Variants in PTPRD observed in about 807,000 individuals in gnomAD.
PTPRD encodes the protein protein tyrosine phosphatase receptor type D.
In PTPRD, 34 loss-of-function variants were observed where a neutral mutation model predicts 214.5. The observed-to-expected ratio is 0.16, with a 90% CI of 0.12 to 0.21. The LOEUF (loss-of-function observed/expected upper bound fraction) is 0.21. Among genes scored for constraint, PTPRD ranks in the 10% least tolerant of loss-of-function variants. The probability of loss-of-function intolerance (pLI) is 1.00; values close to 1 mark genes in which losing one functional copy is unlikely to be tolerated. For missense variants in PTPRD, 2,545 were observed against 2,398.7 expected (o/e 1.06, Z -1.27); for synonymous variants, 1,128 against 845.7 (o/e 1.33, Z -5.79).
Position 8,919,540 on chromosome 9 carries a change from C to T in PTPRD, c.-104+99157G>A, listed in dbSNP as rs900370558. ...CATTCTAAAAATTAGCTTAGCAAAA[C>T]CTGCTGATTAATGAGGGCATTGTGT... On this transcript the variant is annotated intron_variant, in intron 11 of 45. Transcript: ENST00000381196. 4.6e-5 allele frequency among the ~76,000 whole-genome samples: 7 copies of T among 152,188 alleles called. No homozygotes were observed. In the South Asian group the frequency reaches 1.5e-3, roughly 32 times the overall value.
intron 7 of PTPRD, among the ~76,000 whole-genome samples, chr9:9,601,102 G>T (rs753994095): frequency 1.5e-5 from 2 of 129,826 alleles, no homozygotes; most frequent in Admixed American, 8.4e-5. Flanking sequence ...TGGGAAAAGA[G>T]ATTAATATAT....
At chr9:10,133,194 A>T (rs1001424460) in intron 3 of PTPRD, among the ~76,000 whole-genome samples, 25 of 152,190 alleles carry the variant, frequency 1.6e-4, no homozygotes, top group African/African-American at 5.3e-4. Flanking sequence ...GGGGATGGAG[A>T]TCACTAACGG....
intron 8 of PTPRD, among the ~76,000 whole-genome samples, chr9:9,481,809 C>T (rs1007048444): frequency 8.5e-5 from 13 of 152,062 alleles, no homozygotes; most frequent in Non-Finnish European, 1.3e-4. Flanking sequence ...AGTTTGAGCT[C>T]TGCTCCATAC....
At chr9:8,439,120 A>C (rs1313242655) in intron 34 of PTPRD, among the ~76,000 whole-genome samples, 2 of 152,216 alleles carry the variant, frequency 1.3e-5, no homozygotes, top group East Asian at 1.9e-4. Flanking sequence ...TTCTAAGACA[A>C]GTAAAAATGG....
intron 3 of PTPRD, among the ~76,000 whole-genome samples, chr9:10,095,335 T>A (rs2098472424): frequency 1.3e-5 from 2 of 151,290 alleles, no homozygotes; most frequent in South Asian, 2.1e-4. Flanking sequence ...TTTCCAGGAG[T>A]CTGGAAATGC....
chr9:9,810,868 C>T (rs2046925179), intron 5 of PTPRD, among the ~76,000 whole-genome samples: 1 of 151,562 alleles, frequency 6.6e-6, no homozygotes, highest in Non-Finnish European at 1.5e-5. Flanking sequence ...CAAACACCAT[C>T]TGGAAAGGAT....
chr9:8,418,575 T>G (rs2094124182), intron 35 of PTPRD, among the ~76,000 whole-genome samples: 1 of 152,124 alleles, frequency 6.6e-6, no homozygotes, highest in African/African-American at 2.4e-5. Context: ...TACATTTTTT[T>G]TTTTTTGTAA....
At chr9:9,933,252 T>C (rs2087538857) in intron 5 of PTPRD, among the ~76,000 whole-genome samples, 1 of 152,068 alleles carries the variant, frequency 6.6e-6, no homozygotes, top group African/African-American at 2.4e-5. Flanking sequence ...GTAAATGGAG[T>C]ACATGCTCCA....
At chr9:10,149,503 A>T (rs976491531) in intron 3 of PTPRD, among the ~76,000 whole-genome samples, 21 of 152,168 alleles carry the variant, frequency 1.4e-4, no homozygotes, top group Non-Finnish European at 7.4e-5. Flanking sequence ...ACATTTAGGC[A>T]AGGCACTGCC....
At chr9:9,522,662 T>C (rs1272088800) in intron 8 of PTPRD, among the ~76,000 whole-genome samples, 2 of 152,100 alleles carry the variant, frequency 1.3e-5, no homozygotes, top group Non-Finnish European at 2.9e-5. Context: ...TGCACTCTTT[T>C]CTCTAATCAT....
chr9:9,872,032 C>G (rs1360293857), intron 5 of PTPRD, among the ~76,000 whole-genome samples: 1 of 152,086 alleles, frequency 6.6e-6, no homozygotes. Context: ...CCTGACTTGA[C>G]AATAGTACCA....
intron 2 of PTPRD, among the ~76,000 whole-genome samples, chr9:10,549,202 T>C (rs1422511880): frequency 2.0e-5 from 3 of 152,186 alleles, no homozygotes; most frequent in Admixed American, 6.6e-5. Context: ...TTCTTAACCA[T>C]GTATTATTAA....
At chr9:10,603,745 G>A (rs550248956) in intron 2 of PTPRD, among the ~76,000 whole-genome samples, 28 of 151,812 alleles carry the variant, frequency 1.8e-4, no homozygotes, top group Admixed American at 1.3e-3. Context: ...GATTTCTCAA[G>A]AACTCATGAG....
intron 8 of PTPRD, among the ~76,000 whole-genome samples, chr9:9,436,399 C>A (rs750877099): frequency 6.6e-6 from 1 of 152,066 alleles, no homozygotes; most frequent in Non-Finnish European, 1.5e-5. Context: ...GACTAAGACA[C>A]TGGATATATT....
At chr9:10,334,705 G>A (rs941866437) in intron 3 of PTPRD, among the ~76,000 whole-genome samples, 7 of 151,444 alleles carry the variant, frequency 4.6e-5, no homozygotes, top group African/African-American at 7.3e-5. Context: ...CTAATCAGCC[G>A]TTATAGCAAG....
At chr9:8,645,041 T>C (rs1402839290) in intron 12 of PTPRD, among the ~76,000 whole-genome samples, 1 of 152,276 alleles carries the variant, frequency 6.6e-6, no homozygotes, top group East Asian at 1.9e-4. Flanking sequence ...TAGAAAATTA[T>C]AAAGATTGCA....
At chr9:9,389,338 C>G (rs10123635) in intron 9 of PTPRD, among the ~76,000 whole-genome samples, 3,113 of 152,072 alleles carry the variant, frequency 0.02, 93 homozygotes, top group African/African-American at 0.063. Flanking sequence ...TGGTGAAATC[C>G]CATCTCTACT....
At chr9:10,258,106 C>T (rs776541558) in intron 3 of PTPRD, among the ~76,000 whole-genome samples, 10 of 152,150 alleles carry the variant, frequency 6.6e-5, no homozygotes, top group Non-Finnish European at 1.3e-4. Context: ...TCAGCCAATT[C>T]CACTCCTGGT....
At chr9:10,556,906 C>T (rs762036748) in intron 2 of PTPRD, among the ~76,000 whole-genome samples, 7 of 151,896 alleles carry the variant, frequency 4.6e-5, no homozygotes, top group Admixed American at 1.3e-4. Context: ...TGGTTAGAAA[C>T]GTTGAAAAAA....
Sources: gnomAD v4.1 joint callset for allele counts (sites outside exome capture counted in the v4.1 genomes callset) on GRCh38, gnomAD v4.1.1 for gene constraint, MANE v1.5 for transcripts, NCBI Gene and HGNC (gene_info 2026-07-23, HGNC 2026-07-21) for gene names.